The following SPOCK3 variants were observed in gnomAD, a reference collection of about 807,000 sequenced individuals.
SPOCK3 encodes the protein SPARC (osteonectin), cwcv and kazal like domains proteoglycan 3.
SPOCK3 carries 30 observed loss-of-function variants against 56.6 expected under a neutral mutation model. That is an observed-to-expected ratio of 0.53 (90% CI 0.40 to 0.72). The LOEUF is 0.72. Among genes scored for constraint, SPOCK3 ranks in the 30% least tolerant of loss-of-function variants. The probability of loss-of-function intolerance (pLI) is 0.00; values close to 1 mark genes in which losing one functional copy is unlikely to be tolerated. For missense variants in SPOCK3, 527 were observed against 530.0 expected (o/e 0.99, Z 0.06); for synonymous variants, 196 against 183.3 (o/e 1.07, Z -0.56).
intron 6 of SPOCK3, among the ~76,000 whole-genome samples, chr4:166,839,045 G>A (rs1247279869): frequency 6.6e-6 from 1 of 151,982 alleles, no homozygotes; most frequent in African/African-American, 2.4e-5. Flanking sequence ...CATTCAGTCT[G>A]TTGTCTTCCT....
chr4:167,062,780 A>G lies in SPOCK3; in HGVS notation c.190-243T>C, dbSNP rs147381599. On this transcript the variant is annotated intron_variant, in intron 2 of 10. Transcript: ENST00000357545. ...GAAATGTCTTTCAATAAACCTGTTC[A>G]TTTTCATTGCAAGTCAATGGTTACT... is the stretch of plus-strand genomic sequence containing the variant. 1,750 of 474,726 alleles carry G rather than the reference A, an allele frequency of 3.7e-3. 33 individuals are homozygous for G. Among genetic ancestry groups the G allele is most frequent in the African/African-American group, 0.032 (1,591 of 50,024 alleles). 29.4% of individuals were successfully genotyped at this position (474,726 alleles called of 1,614,324 possible).
intron 4 of SPOCK3, among the ~76,000 whole-genome samples, chr4:166,922,829 G>A (rs139409586): frequency 8.0e-4 from 121 of 152,196 alleles, no homozygotes; most frequent in African/African-American, 2.9e-3. Flanking sequence ...AGCATCCTTT[G>A]GAGTCAACAT....
chr4:167,200,197 A>G (rs1370136628), intron 2 of SPOCK3, among the ~76,000 whole-genome samples: 1 of 152,050 alleles, frequency 6.6e-6, no homozygotes, highest in Non-Finnish European at 1.5e-5. Flanking sequence ...TATGAAGGGG[A>G]TTCATTTACT....
chr4:166,754,467 G>T (rs936058731), intron 8 of SPOCK3, 41 bp downstream of exon 8: 18 of 1,572,292 alleles, frequency 1.1e-5, no homozygotes, highest in Non-Finnish European at 1.6e-5. Flanking sequence ...AATTTGACAT[G>T]CAGGTCAACT....
chr4:167,011,412 C>T (rs1368627134), intron 3 of SPOCK3: 2 of 312,224 alleles, frequency 6.4e-6, no homozygotes, highest in Admixed American at 3.1e-5. Context: ...TGTTTCCATG[C>T]CCCAGTATTC....
chr4:167,185,304 G>A lies in SPOCK3; in HGVS notation c.189+48681C>T, dbSNP rs148303154. Among the ~76,000 whole-genome samples the A allele has an allele frequency of 4.3e-3, 655 of 152,204 alleles. 5 individuals are homozygous for A. The highest frequency in any genetic ancestry group is 6.7e-3 in the Non-Finnish European group (458 of 68,010). Reference sequence around the variant, plus strand: ...TTAAACCCAGTTGACATTATGTCACGCATTTATCTTTTACTGTAATATTCC... The same window carrying A: ...TTAAACCCAGTTGACATTATGTCACACATTTATCTTTTACTGTAATATTCC... On this transcript the variant is annotated intron_variant, in intron 2 of 10. Transcript: ENST00000357545.
intron 2 of SPOCK3, among the ~76,000 whole-genome samples, chr4:167,205,235 ATACATAT>A (rs1324117748): frequency 2.2e-5 from 2 of 89,754 alleles, no homozygotes; most frequent in African/African-American, 4.6e-5. Flanking sequence ...TATATCTATA[ATACATAT>A]TATATATTAT....
intron 2 of SPOCK3, among the ~76,000 whole-genome samples, chr4:167,215,188 T>TC (rs1735240113): frequency 6.6e-6 from 1 of 152,106 alleles, no homozygotes; most frequent in South Asian, 2.1e-4. Context: ...TGTTGTATTA[T>TC]CAACTAATAA....
chr4:166,921,623 A>C (rs1738499371), intron 4 of SPOCK3, among the ~76,000 whole-genome samples: 1 of 151,728 alleles, frequency 6.6e-6, no homozygotes, highest in Non-Finnish European at 1.5e-5. Flanking sequence ...GCCCGTGTTG[A>C]CTCTTTATTG....
chr4:166,974,908 C>T (rs2150080580), intron 4 of SPOCK3, among the ~76,000 whole-genome samples: 1 of 152,268 alleles, frequency 6.6e-6, no homozygotes, highest in East Asian at 1.9e-4. Context: ...TTGGGCTTTT[C>T]AGAAGTGATT....
chr4:167,117,521 T>C (rs1050539430), intron 2 of SPOCK3, among the ~76,000 whole-genome samples: 8 of 152,114 alleles, frequency 5.3e-5, no homozygotes, highest in Admixed American at 1.3e-4. Context: ...ACCCACGTAG[T>C]ACACAGACCT....
intron 3 of SPOCK3, among the ~76,000 whole-genome samples, chr4:167,030,473 A>G (rs1282128944): frequency 6.6e-6 from 1 of 152,084 alleles, no homozygotes; most frequent in Non-Finnish European, 1.5e-5. Flanking sequence ...TGTTTACCTC[A>G]AGGTATTGAC....
intron 2 of SPOCK3, among the ~76,000 whole-genome samples, chr4:167,114,188 T>C (rs1004099723): frequency 9.9e-5 from 15 of 152,006 alleles, no homozygotes; most frequent in Admixed American, 3.3e-4. Context: ...AATGAGAAAA[T>C]ACACATCTAT....
At chr4:167,027,901 T>C (rs1751851062) in intron 3 of SPOCK3, among the ~76,000 whole-genome samples, 1 of 152,022 alleles carries the variant, frequency 6.6e-6, no homozygotes, top group African/African-American at 2.4e-5. Flanking sequence ...ACCCATGTTG[T>C]TCAAGAATCA....
chr4:166,866,099 C>T (rs1003321638), intron 6 of SPOCK3, among the ~76,000 whole-genome samples: 3 of 152,044 alleles, frequency 2.0e-5, no homozygotes, highest in African/African-American at 7.2e-5. Context: ...ACCAATGCAA[C>T]AGAACAGGGG....
At chr4:167,156,344 G>A (rs1764817759) in intron 2 of SPOCK3, among the ~76,000 whole-genome samples, 1 of 152,006 alleles carries the variant, frequency 6.6e-6, no homozygotes, top group Admixed American at 6.6e-5. Context: ...AAAAACGCAG[G>A]GATGCAGTAA....
At chr4:166,762,415 T>G (rs182453480) in intron 7 of SPOCK3, among the ~76,000 whole-genome samples, 1 of 152,096 alleles carries the variant, frequency 6.6e-6, no homozygotes. Context: ...AGGGTCTGCA[T>G]AGAGAAACGG....
At chr4:167,175,205 T>C (rs1730876658) in intron 2 of SPOCK3, among the ~76,000 whole-genome samples, 2 of 152,228 alleles carry the variant, frequency 1.3e-5, no homozygotes, top group East Asian at 3.9e-4. Context: ...AACTGCTAAA[T>C]TGCCATTTCC....
intron 3 of SPOCK3, among the ~76,000 whole-genome samples, chr4:167,051,082 T>G (rs1429541051): frequency 2.6e-5 from 4 of 152,124 alleles, no homozygotes; most frequent in Non-Finnish European, 5.9e-5. Flanking sequence ...ATGGTAAATT[T>G]TATCTTATAT....
Sources: gnomAD v4.1 joint callset for allele counts (sites outside exome capture counted in the v4.1 genomes callset) on GRCh38, gnomAD v4.1.1 for gene constraint, MANE v1.5 for transcripts, NCBI Gene and HGNC (gene_info 2026-07-23, HGNC 2026-07-21) for gene names.